The following ACOT12 variants were observed in gnomAD, a reference collection of about 807,000 sequenced individuals.
The protein encoded by ACOT12 is acetyl-coenzyme A thioesterase.
Under a neutral mutation model 67.7 loss-of-function variants are expected in ACOT12, and 51 were observed. That is an observed-to-expected ratio of 0.75 (90% CI 0.60 to 0.95). The LOEUF is 0.95. Among genes scored for constraint, ACOT12 ranks in the 40% least tolerant of loss-of-function variants. ACOT12 has a pLI of 0.00. For synonymous variants in ACOT12, 251 were observed against 244.6 expected (o/e 1.03, Z -0.24); for missense variants, 734 against 708.1 (o/e 1.04, Z -0.41).
intron 5 of ACOT12, among the ~76,000 whole-genome samples, chr5:81,353,305 G>C (rs1759609516): frequency 6.6e-6 from 1 of 152,188 alleles, no homozygotes; most frequent in Non-Finnish European, 1.5e-5. Context: ...AAAAAATAGG[G>C]TTTTCCCAGG....
intron 1 of ACOT12, among the ~76,000 whole-genome samples, chr5:81,389,491 A>G (rs1291017228): frequency 6.6e-6 from 1 of 152,122 alleles, no homozygotes; most frequent in Admixed American, 6.5e-5. Flanking sequence ...TTTGACTATG[A>G]TATGCCTGGA....
In ACOT12 at chr5:81,330,177, A is replaced by T. The variant is rs1484171936; in HGVS notation, c.*217T>A. On this transcript the variant is annotated 3_prime_UTR_variant, in exon 15 of 15. Coordinates refer to ENST00000307624, the MANE Select transcript of ACOT12 (RefSeq NM_130767.3). ...CTGTGCCCCTGGAAGAGGCAGAGCC[A>T]CAGATGACTTACAACAGAATTCTAA... The T allele has an allele frequency of 2.1e-6, 1 of 466,428 alleles. No homozygotes were observed. Among genetic ancestry groups the T allele is most frequent in the African/African-American group, 1.9e-5 (1 of 51,640 alleles). The allele number at this position is 466,428 out of a possible 1,614,324, so 28.9% of individuals were successfully genotyped here. A position where few individuals can be genotyped will look rare whatever the true frequency, so the allele number is the denominator to read the frequency against.
intron 8 of ACOT12, among the ~76,000 whole-genome samples, 195 bp from the exon 9 acceptor site, chr5:81,344,410 C>A (rs534606604): frequency 6.6e-6 from 1 of 152,306 alleles, no homozygotes; most frequent in East Asian, 1.9e-4. Flanking sequence ...GACAAAGGTG[C>A]AATCTTTGCA....
At chr5:81,339,997 C>T (rs1000280013) in intron 11 of ACOT12, among the ~76,000 whole-genome samples, 1 of 151,652 alleles carries the variant, frequency 6.6e-6, no homozygotes, top group African/African-American at 2.4e-5. Context: ...GTAGCTGGGA[C>T]TACAGGTGGA....
intron 8 of ACOT12, 111 bp downstream of exon 8, chr5:81,344,777 AGAG>A (rs1305028283): frequency 3.0e-6 from 4 of 1,321,430 alleles, no homozygotes; most frequent in Non-Finnish European, 4.2e-6. Flanking sequence ...GATGCTGAAA[AGAG>A]GGAAAACCAA....
chr5:81,385,744 C>G lies in ACOT12; in HGVS notation c.197+13G>C, dbSNP rs753985912. On this transcript the variant is annotated intron_variant, in intron 2 of 14. Coordinates refer to ENST00000307624, the MANE Select transcript of ACOT12 (RefSeq NM_130767.3). ...AACCCAGGAGAAAGGAGCCATGGAG[C>G]AATGTCACTTACCTAGCTGTCTCCT... The G allele has an allele frequency of 6.2e-7, 1 of 1,613,676 alleles. No homozygotes were observed. Among genetic ancestry groups the G allele is most frequent in the Non-Finnish European group, 8.5e-7 (1 of 1,179,670 alleles).
chr5:81,353,159 T>C (rs1327398735), intron 5 of ACOT12, among the ~76,000 whole-genome samples: 2 of 152,222 alleles, frequency 1.3e-5, no homozygotes, highest in Non-Finnish European at 2.9e-5. Flanking sequence ...CAGTATATAC[T>C]GGAACCTGTA....
At chr5:81,376,341 T>C (rs1760411295) in intron 2 of ACOT12, among the ~76,000 whole-genome samples, 1 of 151,696 alleles carries the variant, frequency 6.6e-6, no homozygotes, top group Admixed American at 6.6e-5. Context: ...TTTAAAGCAG[T>C]GTGTAGAGAG....
rs180834525 is a variant in ACOT12 at position 81,378,178 on chromosome 5, A to C, written c.198-6368T>G. Among the ~76,000 whole-genome samples, 312 of 152,252 alleles carry C rather than the reference A, an allele frequency of 2.0e-3. 1 individual carries two copies. Among genetic ancestry groups the C allele is most frequent in the African/African-American group, 5.4e-3 (223 of 41,554 alleles). On this transcript the variant is annotated intron_variant, in intron 2 of 14. Transcript: ENST00000307624. The stretch of plus-strand genomic sequence containing the variant: ...ACAGAACAGAGGCTTCAGAAATAAC[A>C]CCACACATCTACAACCATCTGACCT...
At chr5:81,393,914 C>A (rs1003637679) in intron 1 of ACOT12, 74 bp downstream of exon 1, 59 of 1,266,976 alleles carry the variant, frequency 4.7e-5, no homozygotes, top group Non-Finnish European at 5.4e-5. Flanking sequence ...CCTTCCTACC[C>A]CCCCCAGCCC....
intron 11 of ACOT12, among the ~76,000 whole-genome samples, chr5:81,338,452 C>G (rs944163190): frequency 3.3e-5 from 5 of 152,146 alleles, no homozygotes; most frequent in African/African-American, 1.2e-4. Flanking sequence ...TCCTCCTGCT[C>G]TAGCCATGTA....
chr5:81,380,905 C>T (rs777279464), intron 2 of ACOT12, among the ~76,000 whole-genome samples: 30 of 152,068 alleles, frequency 2.0e-4, no homozygotes, highest in Non-Finnish European at 4.1e-4. Flanking sequence ...TAGCCTCCTA[C>T]ACACCTAGGC....
the ACOT12 span, among the ~76,000 whole-genome samples, chr5:81,323,909 C>CGTGTATATATACGT: frequency 6.8e-6 from 1 of 146,454 alleles, no homozygotes; most frequent in Admixed American, 6.8e-5. Context: ...TATATATACA[C>CGTGTATATATACGT]GTATATATAC....
intron 6 of ACOT12, 131 bp from the exon 7 acceptor site, chr5:81,346,135 G>T: frequency 1.4e-6 from 2 of 1,399,344 alleles, no homozygotes; most frequent in Non-Finnish European, 1.9e-6. Flanking sequence ...TATGTGGGTT[G>T]AGGGTAGGTC....
chr5:81,330,619 C>T, intron 14 of ACOT12, 76 bp from the exon 15 acceptor site: 3 of 1,548,720 alleles, frequency 1.9e-6, no homozygotes, highest in Non-Finnish European at 2.6e-6. Context: ...CTGAGTCTTG[C>T]TGGTGTAGGG....
chr5:81,344,937 T>C lies in ACOT12; in HGVS notation c.878A>G (p.Asp293Gly). The stretch of plus-strand genomic sequence containing the variant: ...GGGAAACGTGATGAGATTTTCCTTA[T>C]CATCAGCAGCATTGTAAATGAGAAA... ...SAFLIYNAAD[D>G]KENLITFPRI... The change falls in exon 8 of 15, where the codon GAT (aspartate) becomes GGT (glycine). Residue 293 changes from aspartate (D) to glycine (G), a missense_variant. Coordinates refer to ENST00000307624, the MANE Select transcript of ACOT12 (RefSeq NM_130767.3). The C allele has an allele frequency of 6.2e-7, 1 of 1,614,196 alleles. No individual in the cohort carries two copies. Among genetic ancestry groups the C allele is most frequent in the Non-Finnish European group, 8.5e-7 (1 of 1,180,034 alleles).
At chr5:81,342,151 C>T (rs535018513) in intron 11 of ACOT12, among the ~76,000 whole-genome samples, 93 of 152,074 alleles carry the variant, frequency 6.1e-4, no homozygotes, top group Non-Finnish European at 1.2e-3. Context: ...CTACCACAGC[C>T]GGCTAATTTT....
chr5:81,324,630 C>G, the ACOT12 span, among the ~76,000 whole-genome samples: 11 of 152,086 alleles, frequency 7.2e-5, no homozygotes, highest in African/African-American at 2.2e-4. Flanking sequence ...CTAGGGTAAC[C>G]TAATATTGAG....
intron 5 of ACOT12, among the ~76,000 whole-genome samples, chr5:81,356,400 G>T (rs1759715957): frequency 6.6e-6 from 1 of 152,108 alleles, no homozygotes; most frequent in South Asian, 2.1e-4. Flanking sequence ...GGTCTCCTTA[G>T]TAGGTTTGTC....
Sources: allele counts gnomAD v4.1 joint callset (sites outside exome capture counted in the v4.1 genomes callset), GRCh38; gene constraint gnomAD v4.1.1; transcripts MANE v1.5; gene names NCBI Gene and HGNC (gene_info 2026-07-23, HGNC 2026-07-21).